SHANK2: variants seen among roughly 807,000 people sequenced by gnomAD.
SHANK2 encodes SH3 and multiple ankyrin repeat domains 2.
In SHANK2, 43 loss-of-function variants were observed where a neutral mutation model predicts 133.7. The ratio of observed to expected loss-of-function variants is 0.32; its 90% CI spans 0.25 to 0.41. The LOEUF is 0.41. Among genes scored for constraint, SHANK2 ranks in the 10% least tolerant of loss-of-function variants. The pLI, the probability that SHANK2 is intolerant of heterozygous loss-of-function variation, is 1.00. For synonymous variants in SHANK2, 1,017 were observed against 952.8 expected, an observed-to-expected ratio of 1.07 and a Z score of -1.24; for missense variants, 1,994 against 2,235.8, an observed-to-expected ratio of 0.89 and a Z score of 2.18.
At chr11:70,936,207 G>A (rs1430442141) in intron 10 of SHANK2, among the ~76,000 whole-genome samples, 1 of 152,218 alleles carries the variant, frequency 6.6e-6, no homozygotes. Context: ...AGAGTTTTCA[G>A]ATACCTTTAA....
chr11:70,615,183 G>C (rs1381647299), intron 17 of SHANK2, among the ~76,000 whole-genome samples: 1 of 152,132 alleles, frequency 6.6e-6, no homozygotes, highest in Non-Finnish European at 1.5e-5. Context: ...AGAACAGTGG[G>C]TGGGCCTAGA....
chr11:70,831,804 C>G (rs377392991), intron 11 of SHANK2, among the ~76,000 whole-genome samples: 244 of 152,360 alleles, frequency 1.6e-3, no homozygotes, highest in African/African-American at 5.6e-3. Context: ...GGCGATCAGA[C>G]GCCCGCCTCC....
chr11:70,820,651 G>T lies in SHANK2; in HGVS notation c.1206C>A (p.Asn402Lys). 1 of 704,778 alleles carries T rather than the reference G, an allele frequency of 1.4e-6. No individual in the cohort carries two copies. The allele number at this position is 704,778 out of a possible 1,614,324, so 43.7% of individuals were successfully genotyped here. The change falls in exon 12 of 26, where the codon AAC (asparagine) becomes AAA (lysine). Residue 402 changes from asparagine to lysine, a missense_variant. Physicochemically the swap from Asn to Lys is moderately conservative, Grantham distance 94. Around this residue, in one of 5 missense-constraint regions of SHANK2, gnomAD observed 653 missense variants for 563.4 expected, o/e 1.16. Coordinates refer to ENST00000601538, the MANE Select transcript of SHANK2 (RefSeq NM_012309.5). ...GCGTGTTGGGGGGCCGCCGCCGGCG[G>T]TTGGAGTACGCCGGGGCCTCTCGGA... ...VPFREAPAYS[N>K]RRRRPPNTLA...
At chr11:70,821,352 C>T (rs1160130012) in intron 11 of SHANK2, among the ~76,000 whole-genome samples, 1 of 152,142 alleles carries the variant, frequency 6.6e-6, no homozygotes, top group Non-Finnish European at 1.5e-5. Context: ...TCAGGAGGAA[C>T]CAGCCCTGCG....
intron 13 of SHANK2, among the ~76,000 whole-genome samples, chr11:70,803,841 G>A (rs1234072423): frequency 1.3e-5 from 2 of 151,988 alleles, no homozygotes; most frequent in Non-Finnish European, 2.9e-5. Flanking sequence ...CGTCAGTGGG[G>A]GAATCGGAAC....
At chr11:71,227,923 A>T (rs1954669565) in intron 1 of SHANK2, among the ~76,000 whole-genome samples, 1 of 152,110 alleles carries the variant, frequency 6.6e-6, no homozygotes. Flanking sequence ...GTGGGAAAAA[A>T]TGAACAGGAA....
intron 17 of SHANK2, among the ~76,000 whole-genome samples, chr11:70,590,799 T>C (rs1390768650): frequency 6.6e-6 from 1 of 152,074 alleles, no homozygotes; most frequent in Non-Finnish European, 1.5e-5. Context: ...CATCTCGCTT[T>C]AATGTGGTAT....
intron 17 of SHANK2, among the ~76,000 whole-genome samples, chr11:70,558,919 C>A (rs551895641): frequency 6.6e-6 from 1 of 152,206 alleles, no homozygotes; most frequent in African/African-American, 2.4e-5. Flanking sequence ...CGTCTGCACA[C>A]GGAAGAGAGA....
rs368800790 is a variant in SHANK2, at chr11:70,882,059, G to T, written c.1174+14442C>A. Reference sequence around the variant, plus strand: ...GGAAGGGAACCCTTGCTAGAGAGGCGGAAAACATCAGTGTGAATTCCCCAA... The same window carrying T: ...GGAAGGGAACCCTTGCTAGAGAGGCTGAAAACATCAGTGTGAATTCCCCAA... On this transcript the variant is annotated intron_variant, in intron 11 of 25. Coordinates refer to ENST00000601538, the MANE Select transcript of SHANK2 (RefSeq NM_012309.5). The surrounding 1 kb of genome is among the most constrained non-coding windows in gnomAD (Gnocchi z 4.2). 6.6e-6 allele frequency among the ~76,000 whole-genome samples: 1 copy of T among 152,062 alleles called. No individual in the cohort carries two copies. The highest frequency in any genetic ancestry group is 2.4e-5 in the African/African-American group (1 of 41,400).
At chr11:70,717,640 G>C (rs954449512) in intron 14 of SHANK2, among the ~76,000 whole-genome samples, 1 of 152,060 alleles carries the variant, frequency 6.6e-6, no homozygotes, top group Non-Finnish European at 1.5e-5. Flanking sequence ...CAAAGGCTCC[G>C]CACACCAGCC....
intron 2 of SHANK2, among the ~76,000 whole-genome samples, chr11:71,212,180 G>T (rs371561522): frequency 9.1e-4 from 139 of 152,264 alleles, no homozygotes; most frequent in African/African-American, 3.2e-3. Context: ...GAAGCTCAGA[G>T]ATTAAAAACC....
intron 15 of SHANK2, among the ~76,000 whole-genome samples, chr11:70,689,835 T>C (rs1007710044): frequency 2.0e-5 from 3 of 152,006 alleles, no homozygotes; most frequent in Non-Finnish European, 2.9e-5. Context: ...CACAATAATA[T>C]TGGAGAATTT....
At chr11:70,729,380 G>A (rs189387250) in intron 14 of SHANK2, among the ~76,000 whole-genome samples, 85 of 152,240 alleles carry the variant, frequency 5.6e-4, no homozygotes, top group African/African-American at 1.9e-3. Flanking sequence ...GGGACTGGGG[G>A]CTGGGGGAAA....
At chr11:70,771,555 G>A (rs1052581799) in intron 14 of SHANK2, among the ~76,000 whole-genome samples, 10 of 152,042 alleles carry the variant, frequency 6.6e-5, no homozygotes, top group South Asian at 6.2e-4. Flanking sequence ...GGTATCCATC[G>A]GGTCGGACGA....
At chr11:70,577,061 G>T (rs1033518422) in intron 17 of SHANK2, among the ~76,000 whole-genome samples, 2 of 152,146 alleles carry the variant, frequency 1.3e-5, no homozygotes, top group Non-Finnish European at 1.5e-5. Flanking sequence ...TCCCTCCCTG[G>T]GGATGAGCTC....
intron 17 of SHANK2, among the ~76,000 whole-genome samples, chr11:70,528,891 G>C (rs1260876330): frequency 6.6e-6 from 1 of 152,168 alleles, no homozygotes; most frequent in Non-Finnish European, 1.5e-5. Context: ...CGCCTCTCAG[G>C]AGGGGCTCCC....
In SHANK2 at chr11:70,555,610, G is replaced by A. The variant is rs183168911; in HGVS notation, c.2062-52679C>T. Among the ~76,000 whole-genome samples the A allele has an allele frequency of 1.6e-3, 245 of 152,262 alleles. 1 individual carries two copies. The highest frequency in any genetic ancestry group is 5.4e-3 in the South Asian group (26 of 4,818). On this transcript the variant is annotated intron_variant, in intron 17 of 25. Transcript: ENST00000601538. Reference sequence around the variant, plus strand: ...ACATGGTGGCATGTGCTTGTAGGTCGCAGCTACTCCAGAGGCTGAGGCAGT... The same window carrying A: ...ACATGGTGGCATGTGCTTGTAGGTCACAGCTACTCCAGAGGCTGAGGCAGT...
At chr11:70,728,182 G>C (rs1946213053) in intron 14 of SHANK2, among the ~76,000 whole-genome samples, 1 of 152,204 alleles carries the variant, frequency 6.6e-6, no homozygotes, top group South Asian at 2.1e-4. Context: ...CTCCCAAAGG[G>C]CAGTGCTTGG....
chr11:70,872,242 G>A (rs1230700998), intron 11 of SHANK2: 1 of 154,734 alleles, frequency 6.5e-6, no homozygotes, highest in African/African-American at 2.4e-5. Flanking sequence ...CTACGGAGAA[G>A]GCATTCGCTT....
Sources: gnomAD v4.1 joint callset for allele counts (sites outside exome capture counted in the v4.1 genomes callset) on GRCh38, gnomAD v4.1.1 for gene constraint, gnomAD v4.1.1 regional missense constraint, Gnocchi (gnomAD v3.1) non-coding constraint, MANE v1.5 for transcripts, NCBI Gene and HGNC (gene_info 2026-07-23, HGNC 2026-07-21) for gene names.